FKBP6: variants seen among roughly 807,000 people sequenced by gnomAD.
FKBP6 encodes FKBP prolyl isomerase family member 6 (inactive), also known as inactive peptidyl-prolyl cis-trans isomerase FKBP6.
In FKBP6, 29 loss-of-function variants were observed where a neutral mutation model predicts 41.7. That is an observed-to-expected ratio of 0.70 (90% CI 0.52 to 0.95). The LOEUF (loss-of-function observed/expected upper bound fraction) is 0.95. Ranked by LOEUF, FKBP6 falls within the 40% of genes least tolerant of loss-of-function variation. FKBP6 has a pLI of 0.00. For missense variants in FKBP6, 338 were observed against 408.7 expected (o/e 0.83, Z 1.49); for synonymous variants, 130 against 165.1 (o/e 0.79, Z 1.63).
intron 8 of FKBP6, among the ~76,000 whole-genome samples, chr7:73,349,900 G>A (rs989374204): frequency 6.6e-6 from 1 of 151,876 alleles, no homozygotes; most frequent in South Asian, 2.1e-4. Context: ...AGGTTGCTTC[G>A]GCCCTTCCCT....
chr7:73,344,773 CAG>C (rs782370667), intron 8 of FKBP6, among the ~76,000 whole-genome samples: 2 of 152,100 alleles, frequency 1.3e-5, no homozygotes, highest in Non-Finnish European at 2.9e-5. Flanking sequence ...TTAGTAGAGA[CAG>C]GGTTTCACCA....
At chr7:73,338,663 A>G (rs1370129508) in intron 5 of FKBP6, among the ~76,000 whole-genome samples, 5 of 152,242 alleles carry the variant, frequency 3.3e-5, no homozygotes, top group African/African-American at 1.2e-4. Flanking sequence ...AAAGTTAGGC[A>G]TCTTAGCGGA....
intron 6 of FKBP6, 48 bp downstream of exon 6, chr7:73,340,880 G>T: frequency 8.7e-6 from 9 of 1,035,046 alleles, no homozygotes; most frequent in Non-Finnish European, 1.3e-5. Flanking sequence ...GGAAAAGGTA[G>T]TAGCAGTGCT....
chr7:73,342,069 T>C (rs1434681515), intron 7 of FKBP6, among the ~76,000 whole-genome samples: 2 of 152,006 alleles, frequency 1.3e-5, no homozygotes, highest in African/African-American at 2.4e-5. Flanking sequence ...TAGGTCCTCA[T>C]GTGACCAGAA....
chr7:73,329,329 C>G (rs1804754096), intron 2 of FKBP6, 31 bp from the exon 3 acceptor site: 1 of 1,348,578 alleles, frequency 7.4e-7, no homozygotes, highest in South Asian at 1.2e-5. Context: ...GTTTTTGGTC[C>G]ATTTTCCTTA....
At chr7:73,341,503 C>T in intron 7 of FKBP6, 121 bp downstream of exon 7, 1 of 750,696 alleles carries the variant, frequency 1.3e-6, no homozygotes, top group South Asian at 1.4e-5. Context: ...GGAGGCCGCC[C>T]CCTCTACAGC....
At chr7:73,329,512 C>G (rs782158296) in intron 3 of FKBP6, 63 bp downstream of exon 3, 31 of 1,031,624 alleles carry the variant, frequency 3.0e-5, no homozygotes, top group Middle Eastern at 4.0e-4. Flanking sequence ...GGCACGATGC[C>G]TCAGGCTGGG....
chr7:73,341,451 C>G (rs1000931893), intron 7 of FKBP6, 69 bp downstream of exon 7: 2 of 977,028 alleles, frequency 2.0e-6, no homozygotes, highest in Non-Finnish European at 3.3e-6. Flanking sequence ...CCCCCCACCC[C>G]CCCCAACAAA....
At chr7:73,342,959 C>T in intron 8 of FKBP6, 60 bp downstream of exon 8, 1 of 1,139,770 alleles carries the variant, frequency 8.8e-7, no homozygotes, top group East Asian at 2.3e-5. Context: ...CTGCTCTCCT[C>T]CACCCCCAAG....
chr7:73,328,901 T>A (rs1282504837), intron 2 of FKBP6, among the ~76,000 whole-genome samples: 1 of 152,076 alleles, frequency 6.6e-6, no homozygotes, highest in Non-Finnish European at 1.5e-5. Context: ...CTCCACCTCC[T>A]GGGCTCGTGA....
At chr7:73,352,747 A>G (rs1245475864) in intron 8 of FKBP6, among the ~76,000 whole-genome samples, 2 of 152,146 alleles carry the variant, frequency 1.3e-5, no homozygotes, top group Non-Finnish European at 2.9e-5. Flanking sequence ...AGTTCTCTCT[A>G]GCTCAGAGGT....
chr7:73,339,973 T>C (rs545905618), intron 5 of FKBP6, among the ~76,000 whole-genome samples: 2 of 152,330 alleles, frequency 1.3e-5, no homozygotes, highest in African/African-American at 4.8e-5. Context: ...GAAATTTTGG[T>C]AGGGTTGCAT....
At chr7:73,340,452 C>T (rs533667484) in intron 5 of FKBP6, among the ~76,000 whole-genome samples, 186 bp from the exon 6 acceptor site, 84 of 152,198 alleles carry the variant, frequency 5.5e-4, no homozygotes, top group African/African-American at 1.8e-3. Flanking sequence ...TCCAGCCTGG[C>T]GACAGAACAA....
intron 8 of FKBP6, among the ~76,000 whole-genome samples, chr7:73,345,503 T>C (rs1805309773): frequency 6.6e-6 from 1 of 152,214 alleles, no homozygotes; most frequent in Admixed American, 6.5e-5. Flanking sequence ...TGGGCAGGAC[T>C]CCGGCCTGGT....
chr7:73,346,781 T>TA (rs1218837404), intron 8 of FKBP6, among the ~76,000 whole-genome samples: 2 of 151,926 alleles, frequency 1.3e-5, no homozygotes, highest in Non-Finnish European at 2.9e-5. Flanking sequence ...GACAGGAGGG[T>TA]ATTCTCTGTG....
intron 8 of FKBP6, among the ~76,000 whole-genome samples, 164 bp downstream of exon 8, chr7:73,343,063 T>G (rs1448763550): frequency 6.6e-6 from 1 of 152,260 alleles, no homozygotes; most frequent in Non-Finnish European, 1.5e-5. Flanking sequence ...ATGCACGTGC[T>G]GCACGCCTAC....
Position 73,334,393 on chromosome 7 carries a change from TC to T in FKBP6, c.588+2623del, listed in dbSNP as rs782655924. On this transcript the variant is annotated intron_variant, in intron 5 of 8. Coordinates refer to ENST00000252037, the MANE Select transcript of FKBP6 (RefSeq NM_003602.5). ...GCACTGAGCTTCTGGCTGCTGTCCC[TC>T]CCCCCTCCCCACCTAGTTTCCATCT... Among the ~76,000 whole-genome samples, 10 of 130,506 alleles carry T rather than the reference TC, an allele frequency of 7.7e-5. No individual in the cohort carries two copies. In the East Asian group the frequency reaches 1.1e-3, roughly 14 times the overall value. The allele number at this position is 130,506 out of a possible 152,430, so 85.6% of individuals were successfully genotyped here.
intron 8 of FKBP6, among the ~76,000 whole-genome samples, chr7:73,355,037 G>A (rs1197272463): frequency 6.6e-6 from 1 of 152,232 alleles, no homozygotes; most frequent in Non-Finnish European, 1.5e-5. Flanking sequence ...TGTCTTCTCT[G>A]TTACATTTCA....
chr7:73,346,965 T>G (rs1329983746), intron 8 of FKBP6, among the ~76,000 whole-genome samples: 1 of 152,128 alleles, frequency 6.6e-6, no homozygotes, highest in African/African-American at 2.4e-5. Context: ...AGTCCAGGGC[T>G]GGTCCCCATG....
Sources: allele counts gnomAD v4.1 joint callset (sites outside exome capture counted in the v4.1 genomes callset), GRCh38; gene constraint gnomAD v4.1.1; transcripts MANE v1.5; gene names NCBI Gene and HGNC (gene_info 2026-07-23, HGNC 2026-07-21).